The following QTRT1 variants were observed in gnomAD, a reference collection of about 807,000 sequenced individuals.
QTRT1 encodes queuine tRNA-ribosyltransferase catalytic subunit 1.
QTRT1 carries 41 observed loss-of-function variants against 44.0 expected under a neutral mutation model. The ratio of observed to expected loss-of-function variants is 0.93; its 90% confidence interval spans 0.73 to 1.21. The LOEUF (loss-of-function observed/expected upper bound fraction) is 1.21. Ranked by LOEUF, QTRT1 falls within the 50% of genes most tolerant of loss-of-function variation. The pLI is 0.00. For synonymous variants in QTRT1, 226 were observed against 237.1 expected (o/e 0.95, Z 0.43); for missense variants, 542 against 575.8 (o/e 0.94, Z 0.60).
intron 5 of QTRT1, chr19:10,708,921 A>G (rs1379915205): frequency 6.6e-6 from 1 of 151,948 alleles, no homozygotes; most frequent in East Asian, 1.9e-4. Flanking sequence ...ATGCACCACC[A>G]TGCCTGGCTA....
chr19:10,701,931 C>CT lies in QTRT1; in HGVS notation c.244-16dup. On this transcript the variant is annotated intron_variant, in intron 1 of 9. Transcript: ENST00000250237. ...GGACGCGGTCACCCCTAACCTGACA[C>CT]TTTCTTCCATCAACCCAGGGACCCG... 1 of 1,614,078 alleles carries CT rather than the reference C, an allele frequency of 6.2e-7. No individual in the cohort carries two copies. Among genetic ancestry groups the CT allele is most frequent in the South Asian group, 1.1e-5 (1 of 91,086 alleles).
In QTRT1 at chr19:10,712,331, C is replaced by G; in HGVS notation, c.785+32C>G. 6.3e-7 allele frequency: 1 copy of G among 1,585,132 alleles called. No individual in the cohort carries two copies. The highest frequency in any genetic ancestry group is 1.2e-5 in the South Asian group (1 of 86,254). ...TGTGGATAGGGAAGCCAGAGCCCTA[C>G]CTGTGGGAAGTGGATTCCTGGGGAC... On this transcript the variant is annotated intron_variant, in intron 6 of 9. Coordinates refer to ENST00000250237, the MANE Select transcript of QTRT1 (RefSeq NM_031209.3). The surrounding 1 kb of genome is among the most constrained non-coding windows in gnomAD (Gnocchi z 5.6).
At position 10,702,008 on chromosome 19, in the gene QTRT1, A is replaced by T; in HGVS notation, c.302A>T (p.Asn101Ile). The T allele has an allele frequency of 2.5e-6, 4 of 1,614,146 alleles. No individual in the cohort carries two copies. The highest frequency in any genetic ancestry group is 3.4e-6 in the Non-Finnish European group (4 of 1,180,006). ...CACGGCTTCATGAATTGGCCTCATA[A>T]TCTGCTAACGGTGAGCTGAGGAGAG... ...GLHGFMNWPH[N>I]LLTDSGGFQM... The change falls in exon 2 of 10, where the codon AAT becomes ATT. Residue 101 changes from asparagine to isoleucine, a missense_variant. Physicochemically the swap from Asn to Ile is moderately radical, Grantham distance 149. Coordinates refer to ENST00000250237, the MANE Select transcript of QTRT1 (RefSeq NM_031209.3).
intron 1 of QTRT1, 26 bp downstream of exon 1, chr19:10,701,729 A>C: frequency 6.4e-7 from 1 of 1,550,562 alleles, no homozygotes; most frequent in African/African-American, 1.4e-5. Flanking sequence ...CCGCGCGGGG[A>C]GGCGGCGAGG....
Position 10,712,839 on chromosome 19 carries a change from C to A in QTRT1, c.943C>A (p.Pro315Thr). The change falls in exon 8 of 10, where the codon CCG becomes ACG. Residue 315 changes from proline to threonine, a missense_variant. Physicochemically the swap from Pro to Thr is conservative, Grantham distance 38. Transcript: ENST00000250237. The surrounding 1 kb of genome is among the most constrained non-coding windows in gnomAD (Gnocchi z 5.6). ...TGAGAAGGACTTCGGCCCCATAGAC[C>A]CGGAGTGCACCTGCCCCACGTGCCA... Reference protein sequence around the residue: ...VFEKDFGPIDPECTCPTCQKH... With the variant: ...VFEKDFGPIDTECTCPTCQKH... 2 of 1,613,950 alleles carry A rather than the reference C, an allele frequency of 1.2e-6. No homozygotes were observed. Among genetic ancestry groups the A allele is most frequent in the Non-Finnish European group, 1.7e-6 (2 of 1,180,006 alleles).
At position 10,712,895 on chromosome 19, in the gene QTRT1, G is replaced by A; in HGVS notation, c.971+28G>A. 5 of 1,612,954 alleles carry A rather than the reference G, an allele frequency of 3.1e-6. No homozygotes were observed. Among genetic ancestry groups the A allele is most frequent in the South Asian group, 1.1e-5 (1 of 91,070 alleles). On this transcript the variant is annotated intron_variant, in intron 8 of 9. Transcript: ENST00000250237. The surrounding 1 kb of genome is among the most constrained non-coding windows in gnomAD (Gnocchi z 5.6). Reference sequence around the variant, plus strand: ...AGGCAGGATGGCACTGGGAGCTGGGGCAGGGCATGGAGGGGACAGGGCCTG... The same window carrying A: ...AGGCAGGATGGCACTGGGAGCTGGGACAGGGCATGGAGGGGACAGGGCCTG...
chr19:10,707,540 C>G lies in QTRT1; in HGVS notation c.571C>G (p.Arg191Gly). 1 of 1,613,062 alleles carries G rather than the reference C, an allele frequency of 6.2e-7. No homozygotes were observed. The highest frequency in any genetic ancestry group is 8.5e-7 in the Non-Finnish European group (1 of 1,179,496). The change falls in exon 5 of 10, where the codon CGG (arginine) becomes GGG (glycine). Residue 191 changes from arginine to glycine, a missense_variant. Transcript: ENST00000250237. The stretch of plus-strand genomic sequence containing the variant: ...GGACCGGTGCATTGCAGCCCATCAG[C>G]GGCCGGACAAGCAGAACCTCTTCGC... ...WLDRCIAAHQ[R>G]PDKQNLFAII...
At position 10,702,254 on chromosome 19, in the gene QTRT1, G is replaced by T; in HGVS notation, c.451G>T (p.Gly151Cys). The part of the protein sequence containing the change: ...EKSVQIQNAL[G>C]SDIIMQLDDV... ...ATCCGTGCAGATCCAGAATGCGCTG[G>T]GTGAGAGGACCCTGGGGAGCCGCCT... is the stretch of plus-strand genomic sequence containing the variant. The change falls in exon 3 of 10, where the codon GGC becomes TGC. Residue 151 changes from glycine (G) to cysteine (C), a missense_variant and splice_region_variant. Gly to Cys is a radical substitution (Grantham distance 159, BLOSUM62 -3). Coordinates refer to ENST00000250237, the MANE Select transcript of QTRT1 (RefSeq NM_031209.3). 4 of 1,613,654 alleles carry T rather than the reference G, an allele frequency of 2.5e-6. No homozygotes were observed. The highest frequency in any genetic ancestry group is 3.4e-6 in the Non-Finnish European group (4 of 1,179,736).
intron 3 of QTRT1, among the ~76,000 whole-genome samples, chr19:10,703,096 A>C: frequency 1.2e-5 from 1 of 80,422 alleles, no homozygotes; most frequent in Non-Finnish European, 2.4e-5. Flanking sequence ...TTTTTGAGAC[A>C]GAGTCGCCCA....
At position 10,709,248 on chromosome 19, in the gene QTRT1, GCACAATT is replaced by G. The variant is rs1339728427; in HGVS notation, c.646+1635_646+1641del. 7.2e-5 allele frequency: 11 copies of G among 152,378 alleles called. No homozygotes were observed. The East Asian group carries it at 2.1e-3, about 29-fold the overall frequency. The allele number at this position is 152,378 out of a possible 1,614,324, so 9.4% of individuals were successfully genotyped here. On this transcript the variant is annotated intron_variant, in intron 5 of 9. Coordinates refer to ENST00000250237, the MANE Select transcript of QTRT1 (RefSeq NM_031209.3). Reference sequence around the variant, plus strand: ...CTTGTTTCAGGCAAGTTGAACAATAGCACAATTCTGCAGCCCCTTCTGTGTCATCCAG... The same window carrying G: ...CTTGTTTCAGGCAAGTTGAACAATAGCTGCAGCCCCTTCTGTGTCATCCAG...
intron 3 of QTRT1, among the ~76,000 whole-genome samples, chr19:10,706,348 C>A (rs558899543): frequency 2.6e-5 from 4 of 152,130 alleles, no homozygotes; most frequent in African/African-American, 9.6e-5. Context: ...ATGCTGTGCA[C>A]CGTGGCTCAT....
At chr19:10,705,223 AT>A (rs35987639) in intron 3 of QTRT1, among the ~76,000 whole-genome samples, 92,277 of 146,258 alleles carry the variant, frequency 0.63, 28,649 homozygotes, top group Admixed American at 0.7. Flanking sequence ...CCCCATATTT[AT>A]TTTTTCGTCT....
chr19:10,705,970 C>CTCAGTTCCCGAGTAGCTGG (rs1003337535), intron 3 of QTRT1, among the ~76,000 whole-genome samples: 1 of 149,298 alleles, frequency 6.7e-6, no homozygotes, highest in Non-Finnish European at 1.5e-5. Flanking sequence ...ATTCTCCTGC[C>CTCAGTTCCCGAGTAGCTGG]TCAGTTCCCG....
At chr19:10,704,495 C>T (rs1005194083) in intron 3 of QTRT1, among the ~76,000 whole-genome samples, 6 of 151,762 alleles carry the variant, frequency 4.0e-5, no homozygotes, top group Admixed American at 2.6e-4. Flanking sequence ...GGGGTTTCAT[C>T]GTGTTAGCCA....
rs756838636 is a variant in QTRT1, at chr19:10,701,997, T to C, written c.291T>C (p.Asn97=). The C allele has an allele frequency of 2.5e-5, 41 of 1,614,056 alleles. No homozygotes were observed. Among genetic ancestry groups the C allele is most frequent in the Non-Finnish European group, 3.3e-5 (39 of 1,180,040 alleles). The change falls in exon 2 of 10, where the codon AAT becomes AAC. Residue 97 remains asparagine, a synonymous_variant. Transcript: ENST00000250237. ...QKANGLHGFM[N]WPHNLLTDSG... ...CCAACGGTCTCCACGGCTTCATGAA[T>C]TGGCCTCATAATCTGCTAACGGTGA...
At position 10,707,325 on chromosome 19, in the gene QTRT1, G is replaced by C. The variant is rs999562865; in HGVS notation, c.475G>C (p.Asp159His). 2 of 1,614,198 alleles carry C rather than the reference G, an allele frequency of 1.2e-6. No individual in the cohort carries two copies. The highest frequency in any genetic ancestry group is 1.7e-6 in the Non-Finnish European group (2 of 1,180,036). Residue 159 changes from aspartate (D) to histidine (H), a missense_variant, in exon 4 of 10, where the codon GAC becomes CAC. Coordinates refer to ENST00000250237, the MANE Select transcript of QTRT1 (RefSeq NM_031209.3). ...ALGSDIIMQL[D>H]DVVSSTVTGP... ...AGGCTCGGACATCATCATGCAGCTG[G>C]ACGACGTGGTTAGCAGTACTGTGAC...
chr19:10,712,751 C>T lies in QTRT1; in HGVS notation c.862-7C>T, dbSNP rs2068744819. On this transcript the variant is annotated splice_region_variant and splice_polypyrimidine_tract_variant and intron_variant, in intron 7 of 9. Transcript: ENST00000250237. This position sits in a 1 kb window ranked among gnomAD's most constrained non-coding sequence, Gnocchi z 5.6. ...ACGCCCCTTTCCCTGCCCTTCCTCT[C>T]CCACAGCGCTTTGGCTCTGCCCTGG... 6 of 1,613,278 alleles carry T rather than the reference C, an allele frequency of 3.7e-6. No individual in the cohort carries two copies. The highest frequency in any genetic ancestry group is 5.1e-6 in the Non-Finnish European group (6 of 1,179,354).
In QTRT1 at chr19:10,701,715, C is replaced by G. The variant is rs1452061351; in HGVS notation, c.243+12C>G. 6.4e-7 allele frequency: 1 copy of G among 1,568,864 alleles called. No homozygotes were observed. Among genetic ancestry groups the G allele is most frequent in the African/African-American group, 1.4e-5 (1 of 73,884 alleles). ...TGGGTCTAAGGCCGGTGGGTGGGCT[C>G]TGCCCGCGCGGGGAGGCGGCGAGGC... On this transcript the variant is annotated intron_variant, in intron 1 of 9. Transcript: ENST00000250237.
intron 3 of QTRT1, among the ~76,000 whole-genome samples, chr19:10,704,149 A>G (rs1026601948): frequency 3.3e-5 from 5 of 149,804 alleles, no homozygotes; most frequent in Non-Finnish European, 7.4e-5. Flanking sequence ...GCCCGGCCAA[A>G]TATTTTTTGT....
Sources: gnomAD v4.1 joint callset for allele counts (sites outside exome capture counted in the v4.1 genomes callset) on GRCh38, gnomAD v4.1.1 for gene constraint, Gnocchi (gnomAD v3.1) non-coding constraint, MANE v1.5 for transcripts, NCBI Gene and HGNC (gene_info 2026-07-23, HGNC 2026-07-21) for gene names.